Variants in GABBR2 observed in about 807,000 individuals in gnomAD.
GABBR2 encodes G-protein coupled receptor 51.
Under a neutral mutation model 105.6 loss-of-function variants are expected in GABBR2, and 23 were observed. That is an observed-to-expected ratio of 0.22 (90% confidence interval 0.16 to 0.31). The LOEUF is 0.31. GABBR2 is among the 10% of genes least tolerant of loss of function. The pLI is 1.00. For synonymous variants in GABBR2, 478 were observed against 499.7 expected, an observed-to-expected ratio of 0.96 and a Z score of 0.58; for missense variants, 734 against 1,245.5, an observed-to-expected ratio of 0.59 and a Z score of 6.18.
At chr9:98,345,242 C>T (rs913446429) in intron 13 of GABBR2, among the ~76,000 whole-genome samples, 6 of 152,208 alleles carry the variant, frequency 3.9e-5, no homozygotes, top group Admixed American at 3.9e-4. Context: ...CTTCCAGCCT[C>T]GCCCCTCCAT....
chr9:98,654,291 G>A (rs907245408), intron 1 of GABBR2, among the ~76,000 whole-genome samples: 35 of 152,296 alleles, frequency 2.3e-4, no homozygotes, highest in African/African-American at 7.9e-4. Context: ...CTCTGCACCT[G>A]GTACACAGCC....
rs1457098884 is a variant in GABBR2, at chr9:98,525,816, T to C, written c.630+16057A>G. Among the ~76,000 whole-genome samples the C allele has an allele frequency of 2.6e-5, 4 of 152,212 alleles. No individual in the cohort carries two copies. The East Asian group carries it at 7.7e-4, about 29-fold the overall frequency. ...AATGTGTTACATCCACAAATTGGAA[T>C]ATTATTTGTCCATAAAAAAGAAAGG... On this transcript the variant is annotated intron_variant, in intron 3 of 18. Transcript: ENST00000259455.
chr9:98,361,555 C>T (rs1414744575), intron 13 of GABBR2, among the ~76,000 whole-genome samples: 3 of 152,178 alleles, frequency 2.0e-5, no homozygotes, highest in African/African-American at 7.2e-5. Context: ...TTGGGACCCA[C>T]CCAGCTGTTC....
At chr9:98,509,016 C>T (rs569194949) in intron 3 of GABBR2, among the ~76,000 whole-genome samples, 2 of 152,206 alleles carry the variant, frequency 1.3e-5, no homozygotes, top group Non-Finnish European at 2.9e-5. Flanking sequence ...GGGAGGCACA[C>T]CCCAGTAGGG....
At chr9:98,604,053 C>T (rs989432109) in intron 1 of GABBR2, among the ~76,000 whole-genome samples, 2 of 152,220 alleles carry the variant, frequency 1.3e-5, no homozygotes, top group South Asian at 2.1e-4. Flanking sequence ...GAGACCCGCC[C>T]GGGCACAGGG....
intron 13 of GABBR2, among the ~76,000 whole-genome samples, chr9:98,323,253 C>T (rs1167646524): frequency 6.6e-6 from 1 of 152,252 alleles, no homozygotes; most frequent in Admixed American, 6.5e-5. Context: ...CACGACAGTG[C>T]TCTCCTCCGC....
intron 5 of GABBR2, among the ~76,000 whole-genome samples, chr9:98,477,571 A>T (rs894416980): frequency 6.6e-6 from 1 of 152,064 alleles, no homozygotes; most frequent in Non-Finnish European, 1.5e-5. Context: ...TGGTCTTAGG[A>T]CCTATGACTG....
intron 13 of GABBR2, among the ~76,000 whole-genome samples, chr9:98,331,484 C>T (rs1188098369): frequency 1.4e-5 from 2 of 141,238 alleles, no homozygotes; most frequent in South Asian, 2.2e-4. Context: ...GGGCCCCGGG[C>T]GGAGCTATTC....
At chr9:98,494,808 T>A (rs138005921) in intron 4 of GABBR2, among the ~76,000 whole-genome samples, 1 of 152,286 alleles carries the variant, frequency 6.6e-6, no homozygotes, top group Non-Finnish European at 1.5e-5. Context: ...TCTGTTGGAG[T>A]TGGCTGGTTG....
At chr9:98,515,699 C>T (rs1827743807) in intron 3 of GABBR2, among the ~76,000 whole-genome samples, 2 of 152,130 alleles carry the variant, frequency 1.3e-5, no homozygotes, top group Admixed American at 1.3e-4. Context: ...TCCACTCCCC[C>T]TCTCCCACCC....
At chr9:98,436,637 C>A (rs1048138713) in intron 7 of GABBR2, among the ~76,000 whole-genome samples, 1 of 151,360 alleles carries the variant, frequency 6.6e-6, no homozygotes, top group African/African-American at 2.4e-5. Context: ...ATGCCCCGTG[C>A]TCCTCCTATT....
At chr9:98,399,861 GAC>G (rs1001940998) in intron 8 of GABBR2, among the ~76,000 whole-genome samples, 1 of 152,002 alleles carries the variant, frequency 6.6e-6, no homozygotes, top group Non-Finnish European at 1.5e-5. Context: ...ACAAGAAAAA[GAC>G]AGTAACTTCA....
intron 1 of GABBR2, among the ~76,000 whole-genome samples, chr9:98,649,399 CAA>C (rs1830074269): frequency 6.6e-6 from 1 of 152,142 alleles, no homozygotes; most frequent in Non-Finnish European, 1.5e-5. Context: ...CTTACGGCCC[CAA>C]AGAGTTAGTG....
At chr9:98,693,872 G>A (rs1830715707) in intron 1 of GABBR2, among the ~76,000 whole-genome samples, 1 of 152,246 alleles carries the variant, frequency 6.6e-6, no homozygotes, top group Non-Finnish European at 1.5e-5. Flanking sequence ...GCCACAGCAT[G>A]CAGAGAATTC....
chr9:98,335,416 T>G (rs918539903), intron 13 of GABBR2, among the ~76,000 whole-genome samples: 1 of 152,212 alleles, frequency 6.6e-6, no homozygotes, highest in Admixed American at 6.5e-5. Flanking sequence ...TTTATCACCC[T>G]GGTATCCAAG....
chr9:98,612,039 A>T (rs1242477849), intron 1 of GABBR2, among the ~76,000 whole-genome samples: 2 of 152,238 alleles, frequency 1.3e-5, no homozygotes, highest in Non-Finnish European at 2.9e-5. Context: ...CCTGCCCAGG[A>T]AGAGAGAAGG....
At chr9:98,487,365 T>C (rs939260180) in intron 4 of GABBR2, among the ~76,000 whole-genome samples, 1 of 152,122 alleles carries the variant, frequency 6.6e-6, no homozygotes, top group Non-Finnish European at 1.5e-5. Context: ...AAGGACTTTT[T>C]TTTGGCCAGA....
intron 5 of GABBR2, among the ~76,000 whole-genome samples, chr9:98,479,182 C>A (rs1233366358): frequency 1.3e-5 from 2 of 152,104 alleles, no homozygotes; most frequent in African/African-American, 4.8e-5. Context: ...ATGCTTAACA[C>A]AATTTTGTGG....
Position 98,290,279 on chromosome 9 carries a change from T to TTTTTTTTTTTTTTTTG in GABBR2, c.*289_*304dup, listed in dbSNP as rs1830279149. 1 of 157,404 alleles carries TTTTTTTTTTTTTTTTG rather than the reference T, an allele frequency of 6.4e-6. No homozygotes were observed. Among genetic ancestry groups the TTTTTTTTTTTTTTTTG allele is most frequent in the Non-Finnish European group, 1.2e-5 (1 of 82,150 alleles). The allele number at this position is 157,404 out of a possible 1,614,324, so 9.8% of individuals were successfully genotyped here. A position where few individuals can be genotyped will look rare whatever the true frequency, so the allele number is the denominator to read the frequency against. On this transcript the variant is annotated 3_prime_UTR_variant, in exon 19 of 19. Coordinates refer to ENST00000259455, the MANE Select transcript of GABBR2 (RefSeq NM_005458.8). ...TTGTCTAGTTTTTTTGTTTTTTTTT[T>TTTTTTTTTTTTTTTTG]TTTTTTTTTTTTTTTGCAAGTTTGA...
Sources: gnomAD v4.1 joint callset for allele counts (sites outside exome capture counted in the v4.1 genomes callset) on GRCh38, gnomAD v4.1.1 for gene constraint, MANE v1.5 for transcripts, NCBI Gene and HGNC (gene_info 2026-07-23, HGNC 2026-07-21) for gene names.